The following RANBP2 variants were observed in gnomAD, a reference collection of about 807,000 sequenced individuals.
RANBP2 encodes the protein RAN binding protein 2, also known as E3 SUMO-protein ligase RanBP2.
Under a neutral mutation model 303.6 loss-of-function variants are expected in RANBP2, and 57 were observed. The ratio of observed to expected loss-of-function variants is 0.19; its 90% CI spans 0.15 to 0.23. The LOEUF is 0.23. RANBP2 is among the 10% of genes least tolerant of loss of function. RANBP2 has a pLI of 1.00. For synonymous variants in RANBP2, 1,167 were observed against 1,301.5 expected (o/e 0.90, Z 2.23); for missense variants, 3,138 against 3,780.8 (o/e 0.83, Z 4.46).
chr2:109,058,531 C>T, the RANBP2 span, among the ~76,000 whole-genome samples: 1,772 of 152,308 alleles, frequency 0.012, 38 homozygotes, highest in African/African-American at 0.04. Context: ...GGGATTTGCA[C>T]AAATGTGGCG....
At chr2:109,209,836 A>G in the RANBP2 span, among the ~76,000 whole-genome samples, 1 of 152,234 alleles carries the variant, frequency 6.6e-6, no homozygotes, top group African/African-American at 2.4e-5. Flanking sequence ...ATTGTGACAA[A>G]ACATATATTA....
the RANBP2 span, chr2:109,592,972 T>A: frequency 3.2e-6 from 3 of 931,804 alleles, no homozygotes; most frequent in Non-Finnish European, 4.7e-6. Flanking sequence ...CAAGAGTCTA[T>A]AAGCACTCCA....
At chr2:109,334,150 C>T in the RANBP2 span, among the ~76,000 whole-genome samples, 1 of 152,100 alleles carries the variant, frequency 6.6e-6, no homozygotes, top group South Asian at 2.1e-4. Context: ...TTTGAGCCCA[C>T]AAGTTCAGCC....
chr2:109,114,794 A>G, the RANBP2 span, among the ~76,000 whole-genome samples: 1 of 152,048 alleles, frequency 6.6e-6, no homozygotes, highest in South Asian at 2.1e-4. Context: ...CCCTCTACAC[A>G]CTGCTTTGAA....
At chr2:108,975,263 G>C in the RANBP2 span, among the ~76,000 whole-genome samples, 2 of 152,190 alleles carry the variant, frequency 1.3e-5, no homozygotes, top group Non-Finnish European at 2.9e-5. Context: ...CAGGCAGAAA[G>C]GTGCAGAGTA....
the RANBP2 span, among the ~76,000 whole-genome samples, chr2:109,548,364 GCAAA>G: frequency 6.6e-6 from 1 of 152,156 alleles, no homozygotes; most frequent in Non-Finnish European, 1.5e-5. Context: ...TGGCATTCAT[GCAAA>G]CAAAGCAGGA....
the RANBP2 span, chr2:108,931,032 C>T: frequency 1.2e-6 from 2 of 1,613,984 alleles, no homozygotes; most frequent in Non-Finnish European, 1.7e-6. Flanking sequence ...CAAGGGCTCA[C>T]CTGAAAGACA....
the RANBP2 span, among the ~76,000 whole-genome samples, chr2:109,272,265 A>G: frequency 6.6e-6 from 1 of 152,162 alleles, no homozygotes. Context: ...ATCTCTAGCA[A>G]TTGCCCAACC....
chr2:108,730,650 G>A (rs1309471609), intron 2 of RANBP2, 124 bp from the exon 3 acceptor site: 50 of 1,315,500 alleles, frequency 3.8e-5, no homozygotes, highest in East Asian at 1.2e-4. Flanking sequence ...TATGAATAGC[G>A]GTAGTTTTGA....
At chr2:109,492,617 C>T in the RANBP2 span, among the ~76,000 whole-genome samples, 1 of 152,156 alleles carries the variant, frequency 6.6e-6, no homozygotes, top group African/African-American at 2.4e-5. Flanking sequence ...ATCAGTTATC[C>T]TCGTTTTACA....
the RANBP2 span, among the ~76,000 whole-genome samples, chr2:109,073,514 A>G: frequency 2.0e-5 from 3 of 150,262 alleles, no homozygotes; most frequent in African/African-American, 7.3e-5. Flanking sequence ...TAAAAATACA[A>G]AAAAATTAGC....
chr2:108,923,376 G>T, the RANBP2 span: 1 of 1,614,146 alleles, frequency 6.2e-7, no homozygotes, highest in Non-Finnish European at 8.5e-7. Flanking sequence ...ACATTCCTTG[G>T]TGTTGGGGGG....
chr2:109,760,478 T>C, the RANBP2 span: 3 of 964,426 alleles, frequency 3.1e-6, no homozygotes, highest in Non-Finnish European at 3.7e-6. Flanking sequence ...CTCGCTGCTC[T>C]CTCTTGAGTG....
At chr2:109,096,995 C>T in the RANBP2 span, among the ~76,000 whole-genome samples, 1 of 152,074 alleles carries the variant, frequency 6.6e-6, no homozygotes, top group Non-Finnish European at 1.5e-5. Context: ...GGCTTCCCCC[C>T]ACCCACCAAA....
At chr2:109,367,179 G>T in the RANBP2 span, among the ~76,000 whole-genome samples, 2 of 147,052 alleles carry the variant, frequency 1.4e-5, no homozygotes, top group Admixed American at 1.4e-4. Context: ...GGCCAGACTG[G>T]TCTCGAACTC....
chr2:109,419,685 C>T, the RANBP2 span: 55 of 1,531,446 alleles, frequency 3.6e-5, no homozygotes, highest in Non-Finnish European at 4.6e-5. Context: ...TGCCTGCAGC[C>T]CTCCCTCCTG....
At chr2:109,660,519 A>G in the RANBP2 span, among the ~76,000 whole-genome samples, 1 of 152,230 alleles carries the variant, frequency 6.6e-6, no homozygotes, top group Non-Finnish European at 1.5e-5. Flanking sequence ...GATGACTCAT[A>G]GTCAAGACCC....
chr2:109,651,113 C>G, the RANBP2 span, among the ~76,000 whole-genome samples: 1 of 152,160 alleles, frequency 6.6e-6, no homozygotes, highest in South Asian at 2.1e-4. Context: ...CATACATCCT[C>G]TCCCCACAAA....
the RANBP2 span, among the ~76,000 whole-genome samples, chr2:109,563,893 G>T: frequency 2.0e-5 from 3 of 152,176 alleles, no homozygotes; most frequent in East Asian, 5.8e-4. Flanking sequence ...GGCTGAGGTA[G>T]GAGGATCACT....
Sources: allele counts gnomAD v4.1 joint callset (sites outside exome capture counted in the v4.1 genomes callset), GRCh38; gene constraint gnomAD v4.1.1; transcripts MANE v1.5; gene names NCBI Gene and HGNC (gene_info 2026-07-23, HGNC 2026-07-21).